GPM6B: variants seen among roughly 807,000 people sequenced by gnomAD.
GPM6B encodes the protein glycoprotein M6B.
GPM6B carries 4 observed loss-of-function variants against 27.2 expected under a neutral mutation model. The observed-to-expected ratio is 0.15, with a 90% CI of 0.07 to 0.34. The LOEUF (loss-of-function observed/expected upper bound fraction) is 0.34, where lower values mean the gene tolerates loss of function less well. GPM6B is among the 10% of genes least tolerant of loss of function. The pLI is 1.00. For synonymous variants in GPM6B, 124 were observed against 103.1 expected (o/e 1.20, Z -1.23); for missense variants, 183 against 261.9 (o/e 0.70, Z 2.08).
intron 1 of GPM6B, among the ~76,000 whole-genome samples, chrX:13,921,579 C>A (rs1005056421): frequency 3.3e-5 from 2 of 59,907 alleles, no homozygotes; most frequent in Non-Finnish European, 7.0e-5. Flanking sequence ...ATAACCCCCC[C>A]CCTTTTTTTT....
intron 1 of GPM6B, among the ~76,000 whole-genome samples, chrX:13,828,609 T>C (rs1290132285): frequency 8.9e-6 from 1 of 112,026 alleles, no homozygotes. Context: ...CAGGGATACT[T>C]GGCGAGTTCC....
At chrX:13,910,262 T>C (rs1859006) in intron 1 of GPM6B, among the ~76,000 whole-genome samples, 2,666 of 112,324 alleles carry the variant, frequency 0.024, 84 homozygotes, top group East Asian at 0.21. Flanking sequence ...GGGAAGCTTT[T>C]AAAAATCCCC....
intron 1 of GPM6B, among the ~76,000 whole-genome samples, chrX:13,848,591 G>GA (rs2049677819): frequency 8.9e-6 from 1 of 112,025 alleles, no homozygotes; most frequent in Non-Finnish European, 1.9e-5. Context: ...ATGGCTATAA[G>GA]AAAAAAGACA....
At position 13,785,527 on chromosome X, in the gene GPM6B, A is replaced by G. The variant is rs1413589488; in HGVS notation, c.368+95T>C. On this transcript the variant is annotated intron_variant, in intron 3 of 7. Coordinates refer to ENST00000316715, the MANE Select transcript of GPM6B (RefSeq NM_001001995.3). The stretch of plus-strand genomic sequence containing the variant: ...GGTCTTGAACTCCTGACTTCAGGTG[A>G]TCTGCCTGCCTCAGCCTCCCAAATT... 8 of 831,497 alleles carry G rather than the reference A, an allele frequency of 9.6e-6. No individual in the cohort carries two copies. The East Asian group carries it at 2.5e-4, about 26-fold the overall frequency. The allele number at this position is 831,497 out of a possible 1,213,427, so 68.5% of individuals were successfully genotyped here.
chrX:13,912,007 T>C (rs1269475176), intron 1 of GPM6B, among the ~76,000 whole-genome samples: 2 of 111,561 alleles, frequency 1.8e-5, no homozygotes, highest in Non-Finnish European at 3.8e-5. Flanking sequence ...TGTCACAAAT[T>C]TGTGACATTT....
chrX:13,844,046 G>A (rs1237560018), intron 1 of GPM6B, among the ~76,000 whole-genome samples: 1 of 111,864 alleles, frequency 8.9e-6, no homozygotes, highest in Non-Finnish European at 1.9e-5. Context: ...TTACATCTAG[G>A]TCTATGATCC....
At chrX:13,825,804 T>C (rs1316787130) in intron 1 of GPM6B, among the ~76,000 whole-genome samples, 1 of 111,404 alleles carries the variant, frequency 9.0e-6, no homozygotes, top group Non-Finnish European at 1.9e-5. Flanking sequence ...CCCAAACATG[T>C]CTTATGCTGA....
chrX:13,886,405 TAG>T (rs2050134984), intron 1 of GPM6B, among the ~76,000 whole-genome samples: 1 of 110,617 alleles, frequency 9.0e-6, no homozygotes, highest in South Asian at 3.9e-4. Flanking sequence ...AGTATCAGGA[TAG>T]AGTTACTTTA....
At chrX:13,922,829 G>A (rs1225687297) in intron 1 of GPM6B, among the ~76,000 whole-genome samples, 1 of 112,363 alleles carries the variant, frequency 8.9e-6, no homozygotes, top group Non-Finnish European at 1.9e-5. Context: ...GACAAAAGAA[G>A]TTAATTTTAA....
intron 1 of GPM6B, among the ~76,000 whole-genome samples, chrX:13,809,254 CAA>C (rs752151785): frequency 8.9e-6 from 1 of 111,905 alleles, no homozygotes; most frequent in East Asian, 2.8e-4. Flanking sequence ...CAATTTCACT[CAA>C]GAGGGCACAC....
intron 1 of GPM6B, among the ~76,000 whole-genome samples, chrX:13,862,937 T>C (rs1215817904): frequency 9.2e-6 from 1 of 108,711 alleles, no homozygotes; most frequent in Non-Finnish European, 1.9e-5. Context: ...GTTTAGGCAA[T>C]CCTCCCACCT....
chrX:13,938,571 A>T (rs1005296644), upstream of GPM6B: 1 of 730,301 alleles, frequency 1.4e-6, no homozygotes, highest in Non-Finnish European at 1.8e-6. Context: ...GGGGACGGGC[A>T]GAGCCGGTGG....
rs139576956 is a variant in GPM6B, at chrX:13,807,310, C to T, written c.181+340G>A. Among the ~76,000 whole-genome samples, 650 of 111,615 alleles carry T rather than the reference C, an allele frequency of 5.8e-3. 10 individuals are homozygous for T. The highest frequency in any genetic ancestry group is 0.02 in the African/African-American group (599 of 30,669). The stretch of plus-strand genomic sequence containing the variant: ...CCACATGGGGGATGTGGGTGGCCCC[C>T]CTCCCCCATTATTGGTTCAGGCATT... On this transcript the variant is annotated intron_variant, in intron 2 of 7. Coordinates refer to ENST00000316715, the MANE Select transcript of GPM6B (RefSeq NM_001001995.3).
intron 1 of GPM6B, among the ~76,000 whole-genome samples, chrX:13,903,071 T>C (rs1490615964): frequency 8.9e-6 from 1 of 111,930 alleles, no homozygotes; most frequent in African/African-American, 3.2e-5. Flanking sequence ...AGGACCTCAT[T>C]AAGGGCTAGC....
At chrX:13,814,492 T>C (rs1056341911) in intron 1 of GPM6B, among the ~76,000 whole-genome samples, 1 of 112,884 alleles carries the variant, frequency 8.9e-6, no homozygotes, top group Non-Finnish European at 1.9e-5. Flanking sequence ...TCAAGAATTA[T>C]ATAACACATT....
intron 1 of GPM6B, among the ~76,000 whole-genome samples, chrX:13,829,735 T>C (rs2049417068): frequency 9.0e-6 from 1 of 111,303 alleles, no homozygotes. Context: ...ATGAATAAGA[T>C]AATGGGATTA....
chrX:13,863,164 G>C (rs2049872110), intron 1 of GPM6B, among the ~76,000 whole-genome samples: 1 of 111,799 alleles, frequency 8.9e-6, no homozygotes, highest in East Asian at 2.8e-4. Context: ...AAAGGGTCTT[G>C]AACATTTTTA....
chrX:13,861,005 TACACACACACACACACACACAC>T (rs55808485), intron 1 of GPM6B, among the ~76,000 whole-genome samples: 7 of 79,388 alleles, frequency 8.8e-5, no homozygotes, highest in Non-Finnish European at 1.6e-4. Flanking sequence ...TGAATGTGCA[TACACACACACACACACACACAC>T]ACACACACAC....
At chrX:13,785,356 C>T (rs2048589622) in intron 3 of GPM6B, among the ~76,000 whole-genome samples, 1 of 111,582 alleles carries the variant, frequency 9.0e-6, no homozygotes, top group African/African-American at 3.3e-5. Context: ...CTCACCAGCT[C>T]ACCGCAACAT....
Sources: gnomAD v4.1 joint callset for allele counts (sites outside exome capture counted in the v4.1 genomes callset) on GRCh38, gnomAD v4.1.1 for gene constraint, MANE v1.5 for transcripts, NCBI Gene and HGNC (gene_info 2026-07-23, HGNC 2026-07-21) for gene names.